COX7B2: variants seen among roughly 807,000 people sequenced by gnomAD.
COX7B2 encodes the protein cytochrome c oxidase subunit 7B2, mitochondrial.
For missense variants in COX7B2, 109 were observed against 95.9 expected (o/e 1.14, Z -0.57); for synonymous variants, 37 against 32.1 (o/e 1.15, Z -0.51).
chr4:46,750,104 A>G lies in COX7B2; in HGVS notation c.-49-14863T>C, dbSNP rs535886094. 6.6e-5 allele frequency among the ~76,000 whole-genome samples: 10 copies of G among 152,064 alleles called. No individual in the cohort carries two copies. The East Asian group carries it at 1.9e-3, about 29-fold the overall frequency. On this transcript the variant is annotated intron_variant, in intron 2 of 2. Transcript: ENST00000355591. The stretch of plus-strand genomic sequence containing the variant: ...TGGCCAGGTGCAGTGGCTTACACCT[A>G]TAATCCAGCATTTCAGAAGGCCAAA...
chr4:46,831,738 C>A (rs1038304794), intron 2 of COX7B2, among the ~76,000 whole-genome samples: 1 of 151,970 alleles, frequency 6.6e-6, no homozygotes, highest in Non-Finnish European at 1.5e-5. Context: ...CAGCACTCTG[C>A]ATCTATCTCA....
intron 2 of COX7B2, among the ~76,000 whole-genome samples, chr4:46,838,043 G>C (rs1715655089): frequency 1.3e-5 from 2 of 151,974 alleles, no homozygotes; most frequent in Admixed American, 1.3e-4. Flanking sequence ...GTATACTCTA[G>C]AGTTTCATTA....
At chr4:46,824,042 A>T (rs1465547279) in intron 2 of COX7B2, among the ~76,000 whole-genome samples, 1 of 152,142 alleles carries the variant, frequency 6.6e-6, no homozygotes. Context: ...AACTAGCAAA[A>T]TTCACTGAAG....
chr4:46,756,786 C>T (rs1268467002), intron 2 of COX7B2, among the ~76,000 whole-genome samples: 1 of 151,872 alleles, frequency 6.6e-6, no homozygotes, highest in Non-Finnish European at 1.5e-5. Flanking sequence ...CTAAAAATAG[C>T]AGATGTTTGC....
chr4:46,825,450 T>C (rs1257874711), intron 2 of COX7B2, among the ~76,000 whole-genome samples: 1 of 152,088 alleles, frequency 6.6e-6, no homozygotes, highest in Non-Finnish European at 1.5e-5. Flanking sequence ...AAAATGGCCA[T>C]ACTGCCCAAA....
chr4:46,790,223 T>C (rs995693023), intron 2 of COX7B2, among the ~76,000 whole-genome samples: 3 of 152,188 alleles, frequency 2.0e-5, no homozygotes, highest in Non-Finnish European at 2.9e-5. Context: ...TTCTGTTAAC[T>C]TACTCCACAA....
chr4:46,887,628 A>G (rs1417010973), intron 1 of COX7B2, among the ~76,000 whole-genome samples: 3 of 149,782 alleles, frequency 2.0e-5, no homozygotes, highest in African/African-American at 4.9e-5. Context: ...GAAGAATGGC[A>G]TGAACCCGGA....
At chr4:46,754,728 G>A (rs184067287) in intron 2 of COX7B2, among the ~76,000 whole-genome samples, 24,678 of 38,954 alleles carry the variant, frequency 0.63, 8,378 homozygotes, top group East Asian at 0.76. Flanking sequence ...GTGTGTGTGT[G>A]TATATATATA....
intron 2 of COX7B2, among the ~76,000 whole-genome samples, chr4:46,804,317 A>G (rs1718854580): frequency 6.6e-6 from 1 of 152,114 alleles, no homozygotes; most frequent in Non-Finnish European, 1.5e-5. Flanking sequence ...AAGGGACCCT[A>G]CCAGGTTGCC....
At chr4:46,897,341 A>T (rs541937730) in intron 1 of COX7B2, among the ~76,000 whole-genome samples, 1 of 152,064 alleles carries the variant, frequency 6.6e-6, no homozygotes, top group Non-Finnish European at 1.5e-5. Flanking sequence ...TCTCATCTAT[A>T]TCCACATCAA....
In COX7B2 at chr4:46,793,417, G is replaced by A. The variant is rs1377426969; in HGVS notation, c.-50+51543C>T. Among the ~76,000 whole-genome samples, 3 of 152,138 alleles carry A rather than the reference G, an allele frequency of 2.0e-5. No homozygotes were observed. In the East Asian group the frequency reaches 5.8e-4, roughly 29 times the overall value. On this transcript the variant is annotated intron_variant, in intron 2 of 2. Transcript: ENST00000355591. Reference sequence around the variant, plus strand: ...CTTAGCCATTAGGCTGATGCCCTTTGGATTTAGGCGGTTTTTTATTAAGGT... The same window carrying A: ...CTTAGCCATTAGGCTGATGCCCTTTAGATTTAGGCGGTTTTTTATTAAGGT...
chr4:46,798,452 C>T (rs553217331), intron 2 of COX7B2, among the ~76,000 whole-genome samples: 32 of 152,188 alleles, frequency 2.1e-4, no homozygotes, highest in Non-Finnish European at 2.5e-4. Flanking sequence ...TCACTTCGGC[C>T]ATATAACCCA....
chr4:46,877,031 G>T lies in COX7B2; in HGVS notation c.-104-32017C>A, dbSNP rs1035140540. Among the ~76,000 whole-genome samples the T allele has an allele frequency of 2.0e-5, 3 of 152,252 alleles. No individual in the cohort carries two copies. In the East Asian group the frequency reaches 5.8e-4, roughly 29 times the overall value. On this transcript the variant is annotated intron_variant, in intron 1 of 2. Transcript: ENST00000355591. ...TTAAGTTTTTGAACTAAAACCATTA[G>T]CAGTAAGAATCGAACGACTCTCAAA...
At chr4:46,838,230 A>G (rs1715667199) in intron 2 of COX7B2, among the ~76,000 whole-genome samples, 1 of 152,030 alleles carries the variant, frequency 6.6e-6, no homozygotes, top group Non-Finnish European at 1.5e-5. Context: ...ATGCTGCCTC[A>G]TAGGTAGCAC....
intron 2 of COX7B2, among the ~76,000 whole-genome samples, chr4:46,801,288 G>C (rs1242259410): frequency 6.6e-6 from 1 of 152,126 alleles, no homozygotes; most frequent in Non-Finnish European, 1.5e-5. Flanking sequence ...GCACACATAT[G>C]TTTATCACGG....
At chr4:46,789,268 A>G (rs1047678542) in intron 2 of COX7B2, among the ~76,000 whole-genome samples, 4 of 152,164 alleles carry the variant, frequency 2.6e-5, no homozygotes, top group Non-Finnish European at 5.9e-5. Context: ...TTGTTATCAG[A>G]TAAGACTCAA....
At chr4:46,783,369 G>A (rs1283266707) in intron 2 of COX7B2, among the ~76,000 whole-genome samples, 1 of 152,204 alleles carries the variant, frequency 6.6e-6, no homozygotes, top group Non-Finnish European at 1.5e-5. Flanking sequence ...TGATCTCTTA[G>A]AACTATCATT....
intron 2 of COX7B2, among the ~76,000 whole-genome samples, chr4:46,762,099 AAC>A (rs1189715175): frequency 1.4e-5 from 2 of 146,976 alleles, no homozygotes; most frequent in Non-Finnish European, 3.0e-5. Flanking sequence ...TGAAGATAAT[AAC>A]ACCTATTGTA....
chr4:46,803,897 A>G (rs1366444146), intron 2 of COX7B2, among the ~76,000 whole-genome samples: 1 of 152,058 alleles, frequency 6.6e-6, no homozygotes, highest in African/African-American at 2.4e-5. Context: ...GCTACTTTCG[A>G]GGTCTCTTAG....
Sources: gnomAD v4.1 joint callset for allele counts (sites outside exome capture counted in the v4.1 genomes callset) on GRCh38, gnomAD v4.1.1 for gene constraint, MANE v1.5 for transcripts, NCBI Gene and HGNC (gene_info 2026-07-23, HGNC 2026-07-21) for gene names.